Variants in PIGU observed in about 807,000 individuals in gnomAD.
PIGU encodes GPI-anchor transamidase component PIGU.
A neutral mutation model predicts 49.9 loss-of-function variants in PIGU; 24 were observed. The observed-to-expected ratio is 0.48, with a 90% CI of 0.35 to 0.68. PIGU has a LOEUF of 0.68. PIGU is among the 30% of genes least tolerant of loss of function. The probability of loss-of-function intolerance (pLI) is 0.01; values close to 1 mark genes in which losing one functional copy is unlikely to be tolerated. For missense variants in PIGU, 490 were observed against 532.6 expected (o/e 0.92, Z 0.79); for synonymous variants, 220 against 205.7 (o/e 1.07, Z -0.59).
At chr20:34,670,403 C>T (rs1209605344) in intron 1 of PIGU, among the ~76,000 whole-genome samples, 2 of 151,738 alleles carry the variant, frequency 1.3e-5, no homozygotes, top group Non-Finnish European at 2.9e-5. Context: ...TTGCCTAGGC[C>T]GGTCTCGAAC....
chr20:34,569,951 A>G (rs1312796950), intron 11 of PIGU, among the ~76,000 whole-genome samples: 1 of 152,176 alleles, frequency 6.6e-6, no homozygotes, highest in Non-Finnish European at 1.5e-5. Context: ...CAGCTTAGTG[A>G]GTTTGGGTAA....
intron 8 of PIGU, among the ~76,000 whole-genome samples, chr20:34,586,299 G>A (rs1983697381): frequency 6.6e-6 from 1 of 150,966 alleles, no homozygotes; most frequent in Admixed American, 6.6e-5. Flanking sequence ...AGAGATGAGT[G>A]ATGGCTCTTG....
chr20:34,653,475 T>C (rs1172663072), intron 2 of PIGU, among the ~76,000 whole-genome samples: 3 of 152,328 alleles, frequency 2.0e-5, no homozygotes, highest in East Asian at 3.9e-4. Context: ...ATGAAATGTA[T>C]TTTATCTCTG....
chr20:34,584,874 G>T (rs765826602), intron 9 of PIGU, among the ~76,000 whole-genome samples: 8 of 152,170 alleles, frequency 5.3e-5, no homozygotes, highest in Non-Finnish European at 1.0e-4. Context: ...TTTTAGTAGA[G>T]ACAGGGTTTC....
At chr20:34,607,585 C>G (rs1480357348) in intron 7 of PIGU, among the ~76,000 whole-genome samples, 1 of 152,214 alleles carries the variant, frequency 6.6e-6, no homozygotes, top group East Asian at 1.9e-4. Context: ...TTTACCATCT[C>G]CAATTCATTT....
chr20:34,621,014 T>C (rs1017969912), intron 6 of PIGU, among the ~76,000 whole-genome samples: 11 of 152,036 alleles, frequency 7.2e-5, no homozygotes, highest in Middle Eastern at 6.3e-3. Flanking sequence ...CAAAACCACA[T>C]AGCTGACTCC....
At position 34,588,598 on chromosome 20, in the gene PIGU, T is replaced by G. The variant is rs1983801626; in HGVS notation, c.637A>C (p.Ile213Leu). 1 of 1,613,448 alleles carries G rather than the reference T, an allele frequency of 6.2e-7. No homozygotes were observed. The highest frequency in any genetic ancestry group is 2.2e-5 in the East Asian group (1 of 44,860). The change falls in exon 8 of 12, where the codon ATA becomes CTA. Residue 213 changes from isoleucine to leucine, a missense_variant. Ile to Leu is a conservative substitution (Grantham distance 5). Transcript: ENST00000217446. ...GCTTTGCTCTTCATTTTCACAGGTA[T>G]GTACTGCCGCTGGAGAGAAGGCAAA... ...GLLYLLQRQY[I>L]PVKMKSKAFW...
chr20:34,564,034 G>A (rs1982642491), intron 11 of PIGU, among the ~76,000 whole-genome samples: 1 of 152,122 alleles, frequency 6.6e-6, no homozygotes. Flanking sequence ...CCTGGCCAGC[G>A]CTCCTCAACT....
At chr20:34,584,972 G>A (rs2090715019) in intron 9 of PIGU, among the ~76,000 whole-genome samples, 1 of 152,188 alleles carries the variant, frequency 6.6e-6, no homozygotes. Flanking sequence ...ATATGCGTGA[G>A]CCACTGCACC....
chr20:34,616,482 C>T (rs1223778191), intron 6 of PIGU, among the ~76,000 whole-genome samples: 1 of 152,140 alleles, frequency 6.6e-6, no homozygotes, highest in Non-Finnish European at 1.5e-5. Flanking sequence ...ATCTAATGTA[C>T]CAATTTATTA....
chr20:34,616,244 A>T (rs1985002083), intron 6 of PIGU, 105 bp from the exon 7 acceptor site: 1 of 1,275,526 alleles, frequency 7.8e-7, no homozygotes, highest in Non-Finnish European at 1.1e-6. Context: ...TCAAATAATC[A>T]CCTGCCAAGT....
intron 7 of PIGU, among the ~76,000 whole-genome samples, chr20:34,613,336 G>A (rs749108478): frequency 1.2e-4 from 18 of 152,206 alleles, no homozygotes; most frequent in Admixed American, 9.8e-4. Context: ...GTCTGGCATA[G>A]TATCTAGCAC....
intron 2 of PIGU, among the ~76,000 whole-genome samples, chr20:34,650,933 T>C (rs1197297082): frequency 6.6e-6 from 1 of 151,616 alleles, no homozygotes; most frequent in African/African-American, 2.4e-5. Flanking sequence ...AGGTTGGTTT[T>C]GAACTCCTGA....
At chr20:34,631,074 T>C (rs916065102) in intron 6 of PIGU, among the ~76,000 whole-genome samples, 10 of 150,682 alleles carry the variant, frequency 6.6e-5, no homozygotes, top group East Asian at 3.9e-4. Flanking sequence ...TTGGAACAAA[T>C]AGAAACTGAA....
chr20:34,630,514 A>G (rs1985667549), intron 6 of PIGU, among the ~76,000 whole-genome samples: 1 of 152,174 alleles, frequency 6.6e-6, no homozygotes, highest in African/African-American at 2.4e-5. Flanking sequence ...AGATGATGAC[A>G]TTTGTAAATG....
intron 1 of PIGU, among the ~76,000 whole-genome samples, chr20:34,667,696 A>G (rs1026105741): frequency 2.6e-5 from 4 of 152,246 alleles, no homozygotes; most frequent in African/African-American, 9.6e-5. Flanking sequence ...AATAAAAATG[A>G]ATGAGAGAAA....
intron 1 of PIGU, among the ~76,000 whole-genome samples, chr20:34,676,436 AG>A (rs1368630583): frequency 6.6e-6 from 1 of 152,222 alleles, no homozygotes; most frequent in Non-Finnish European, 1.5e-5. Flanking sequence ...GAACTTAGTA[AG>A]GAACAGTAAC....
intron 7 of PIGU, among the ~76,000 whole-genome samples, chr20:34,615,409 G>C (rs912497354): frequency 5.3e-5 from 8 of 152,166 alleles, no homozygotes; most frequent in Admixed American, 1.3e-4. Flanking sequence ...AAAGAAATGA[G>C]CTCAGAGGGG....
intron 10 of PIGU, among the ~76,000 whole-genome samples, chr20:34,576,372 A>G (rs1236554034): frequency 6.6e-6 from 1 of 152,134 alleles, no homozygotes; most frequent in Non-Finnish European, 1.5e-5. Context: ...AATTCCCACA[A>G]ACTTAGTGAT....
Sources: allele counts gnomAD v4.1 joint callset (sites outside exome capture counted in the v4.1 genomes callset), GRCh38; gene constraint gnomAD v4.1.1; transcripts MANE v1.5; gene names NCBI Gene and HGNC (gene_info 2026-07-23, HGNC 2026-07-21).